Variants in ZNF341 observed in about 807,000 individuals in gnomAD.
ZNF341 encodes the protein zinc finger protein 341.
A neutral mutation model predicts 87.7 loss-of-function variants in ZNF341; 52 were observed. The ratio of observed to expected loss-of-function variants is 0.59; its 90% CI spans 0.47 to 0.75. The LOEUF (loss-of-function observed/expected upper bound fraction) is 0.75, where lower values mean the gene tolerates loss of function less well. Ranked by LOEUF, ZNF341 falls within the 30% of genes least tolerant of loss-of-function variation. ZNF341 has a pLI of 0.00. For synonymous variants in ZNF341, 459 were observed against 472.7 expected (o/e 0.97, Z 0.38); for missense variants, 977 against 1,145.9 (o/e 0.85, Z 2.13).
chr20:33,779,448 C>CTTTTT (rs34100674), intron 10 of ZNF341, among the ~76,000 whole-genome samples: 1 of 129,076 alleles, frequency 7.7e-6, no homozygotes, highest in African/African-American at 2.9e-5. Flanking sequence ...GACAATCTCC[C>CTTTTT]TTTTTTTTTT....
intron 4 of ZNF341, among the ~76,000 whole-genome samples, chr20:33,751,790 T>C (rs760113157): frequency 2.2e-4 from 33 of 152,060 alleles, no homozygotes; most frequent in Non-Finnish European, 4.1e-4. Flanking sequence ...TTGCCCAGGC[T>C]GGTCTCAAAC....
At chr20:33,762,994 A>G (rs1039958046) in intron 8 of ZNF341, among the ~76,000 whole-genome samples, 1 of 152,202 alleles carries the variant, frequency 6.6e-6, no homozygotes, top group African/African-American at 2.4e-5. Context: ...TAACTATTTG[A>G]CAGCCACCAT....
chr20:33,770,339 C>G, intron 10 of ZNF341, 47 bp downstream of exon 10: 11 of 500,096 alleles, frequency 2.2e-5, no homozygotes, highest in East Asian at 6.1e-5. Flanking sequence ...GGTGGGTGGG[C>G]AGGGAGCCCA....
At chr20:33,755,012 G>A (rs1286089081) in intron 5 of ZNF341, among the ~76,000 whole-genome samples, 1 of 151,644 alleles carries the variant, frequency 6.6e-6, no homozygotes, top group African/African-American at 2.4e-5. Context: ...GTGTGATCTC[G>A]GCTCACTGCA....
At chr20:33,767,870 T>G (rs753827311) in intron 9 of ZNF341, among the ~76,000 whole-genome samples, 1 of 152,208 alleles carries the variant, frequency 6.6e-6, no homozygotes, top group Non-Finnish European at 1.5e-5. Context: ...CACCATAGAC[T>G]CAGGCTTCTA....
chr20:33,732,098 C>T lies in ZNF341; in HGVS notation c.31+46C>T. 1 of 1,188,574 alleles carries T rather than the reference C, an allele frequency of 8.4e-7. No individual in the cohort carries two copies. The highest frequency in any genetic ancestry group is 1.0e-6 in the Non-Finnish European group (1 of 958,274). The allele number at this position is 1,188,574 out of a possible 1,614,324, so 73.6% of individuals were successfully genotyped here. A position where few individuals can be genotyped will look rare whatever the true frequency, so the allele number is the denominator to read the frequency against. ...CGGAGGCGGCTGTTCCGCGCTGCGC[C>T]CCCTCCCGCCGCGCCCTCGCAGCGC... On this transcript the variant is annotated intron_variant, in intron 1 of 14. Transcript: ENST00000375200. This position sits in a 1 kb window ranked among gnomAD's most constrained non-coding sequence, Gnocchi z 4.5.
intron 4 of ZNF341, chr20:33,752,348 G>T (rs754889707): frequency 3.2e-5 from 20 of 624,268 alleles, no homozygotes; most frequent in Non-Finnish European, 5.5e-5. Context: ...GTTGAGGCTG[G>T]TATCAATGCA....
At chr20:33,790,072 A>ATTT (rs11470365) in intron 14 of ZNF341, among the ~76,000 whole-genome samples, 1 of 140,874 alleles carries the variant, frequency 7.1e-6, no homozygotes, top group Non-Finnish European at 1.6e-5. Flanking sequence ...GGGCCAGATA[A>ATTT]TTTTTTTTTT....
chr20:33,790,696 GAGA>G (rs2019991181), intron 14 of ZNF341, among the ~76,000 whole-genome samples: 1 of 152,176 alleles, frequency 6.6e-6, no homozygotes, highest in Admixed American at 6.5e-5. Flanking sequence ...CCCTGAGCCT[GAGA>G]TGACCTGGCA....
At chr20:33,762,200 G>A in intron 8 of ZNF341, 145 bp downstream of exon 8, 2 of 643,410 alleles carry the variant, frequency 3.1e-6, no homozygotes, top group Non-Finnish European at 4.8e-6. Context: ...GGCATAAGAT[G>A]AAAGGAAGGA....
intron 10 of ZNF341, among the ~76,000 whole-genome samples, chr20:33,770,547 A>C (rs934472715): frequency 6.6e-6 from 1 of 152,212 alleles, no homozygotes; most frequent in Non-Finnish European, 1.5e-5. Flanking sequence ...CCTTAAAAAG[A>C]GGAACCTATA....
rs1410686710 is a variant in ZNF341, at chr20:33,732,180, C to T, written c.31+128C>T. The T allele has an allele frequency of 3.5e-5, 26 of 746,408 alleles. No homozygotes were observed. The highest frequency in any genetic ancestry group is 4.1e-5 in the Non-Finnish European group (25 of 612,738). 46.2% of individuals were successfully genotyped at this position (746,408 alleles called of 1,614,324 possible). A position where few individuals can be genotyped will look rare whatever the true frequency, so the allele number is the denominator to read the frequency against. ...GAGGGCGCCGGGGCTGGAACAGCCG[C>T]GGGGCGGGAGGGGCGCGGGCGGGAA... On this transcript the variant is annotated intron_variant, in intron 1 of 14. Transcript: ENST00000375200. This position sits in a 1 kb window ranked among gnomAD's most constrained non-coding sequence, Gnocchi z 4.5.
At chr20:33,736,057 A>G (rs950783976) in intron 1 of ZNF341, among the ~76,000 whole-genome samples, 1 of 148,086 alleles carries the variant, frequency 6.8e-6, no homozygotes, top group African/African-American at 2.5e-5. Flanking sequence ...CTATTTCACC[A>G]TTTAACCACT....
At chr20:33,776,901 C>T (rs2019637722) in intron 10 of ZNF341, among the ~76,000 whole-genome samples, 1 of 152,082 alleles carries the variant, frequency 6.6e-6, no homozygotes, top group South Asian at 2.1e-4. Context: ...CTCAAGTGAT[C>T]CTCCTGCCTG....
intron 9 of ZNF341, among the ~76,000 whole-genome samples, chr20:33,768,126 G>GTT (rs34236809): frequency 1.5e-4 from 22 of 149,536 alleles, no homozygotes; most frequent in African/African-American, 2.7e-4. Flanking sequence ...AGGATCAAGT[G>GTT]TTTTTTTTTT....
intron 7 of ZNF341, among the ~76,000 whole-genome samples, chr20:33,761,210 A>G (rs1258216434): frequency 6.6e-6 from 1 of 152,082 alleles, no homozygotes; most frequent in Non-Finnish European, 1.5e-5. Context: ...ACTGTGGTAC[A>G]AGTGCTGTGC....
chr20:33,758,609 C>A, intron 6 of ZNF341, 107 bp from the exon 7 acceptor site: 1 of 845,798 alleles, frequency 1.2e-6, no homozygotes, highest in Non-Finnish European at 1.9e-6. Context: ...GCATAGACTT[C>A]CCTGGGGTAT....
At chr20:33,764,525 ATGTGTGTGTGTG>A in intron 8 of ZNF341, among the ~76,000 whole-genome samples, 1 of 118,948 alleles carries the variant, frequency 8.4e-6, no homozygotes, top group African/African-American at 3.2e-5. Context: ...ATGTATATAT[ATGTGTGTGTGTG>A]TATGTGTATA....
chr20:33,745,153 C>T lies in ZNF341; in HGVS notation c.193C>T (p.Leu65=). The change falls in exon 3 of 15, where the codon CTG becomes TTG. Residue 65 remains leucine (L), a synonymous_variant. Coordinates refer to ENST00000375200, the MANE Select transcript of ZNF341 (RefSeq NM_001282933.2). ...GAAGTGTAAGAAGCAATTCAACTCG[C>T]TGCCAGCGTTTATGACCCACAAGCG... ...CGKCKKQFNS[L]PAFMTHKREQ... The T allele has an allele frequency of 6.2e-7, 1 of 1,614,080 alleles. No individual in the cohort carries two copies. Among genetic ancestry groups the T allele is most frequent in the Non-Finnish European group, 8.5e-7 (1 of 1,179,928 alleles).
Sources: allele counts gnomAD v4.1 joint callset (sites outside exome capture counted in the v4.1 genomes callset), GRCh38; gene constraint gnomAD v4.1.1; non-coding constraint Gnocchi (gnomAD v3.1); transcripts MANE v1.5; gene names NCBI Gene and HGNC (gene_info 2026-07-23, HGNC 2026-07-21).